Variants in PCDHGA10 observed in about 807,000 individuals in gnomAD.
PCDHGA10 encodes protocadherin gamma subfamily A, 10.
PCDHGA10 carries 42 observed loss-of-function variants against 59.5 expected under a neutral mutation model. The observed-to-expected ratio is 0.71, with a 90% confidence interval of 0.55 to 0.91. The LOEUF is 0.91. PCDHGA10 is among the 40% of genes least tolerant of loss of function. The pLI, the probability that PCDHGA10 is intolerant of heterozygous loss-of-function variation, is 0.00. For synonymous variants in PCDHGA10, 511 were observed against 517.2 expected, an observed-to-expected ratio of 0.99 and a Z score of 0.16; for missense variants, 1,111 against 1,198.2, an observed-to-expected ratio of 0.93 and a Z score of 1.07.
chr5:141,456,536 G>A (rs1231730255), intron 1 of PCDHGA10, among the ~76,000 whole-genome samples: 1 of 152,158 alleles, frequency 6.6e-6, no homozygotes, highest in Non-Finnish European at 1.5e-5. Flanking sequence ...AATTAAAGAG[G>A]GATTGTAGCC....
intron 1 of PCDHGA10, among the ~76,000 whole-genome samples, chr5:141,450,564 G>A (rs1397334260): frequency 2.0e-5 from 3 of 151,932 alleles, no homozygotes; most frequent in African/African-American, 7.3e-5. Context: ...TCGGCTCACT[G>A]CAACTTCTGC....
Position 141,432,830 on chromosome 5 carries a change from C to G in PCDHGA10, c.2436+17219C>G, listed in dbSNP as rs780093171. On this transcript the variant is annotated intron_variant, in intron 1 of 3. Coordinates refer to ENST00000398610, the MANE Select transcript of PCDHGA10 (RefSeq NM_018913.3). The surrounding 1 kb of genome is among the most constrained non-coding windows in gnomAD (Gnocchi z 6.0). ...TAACTCTGAAACCTCAGACCTCACT[C>G]TGTACCTGGTGGTAGCGGTGGCCGC... 4 of 1,614,208 alleles carry G rather than the reference C, an allele frequency of 2.5e-6. No individual in the cohort carries two copies. The highest frequency in any genetic ancestry group is 2.2e-5 in the East Asian group (1 of 44,874).
chr5:141,444,695 CCT>C (rs2154560766), intron 1 of PCDHGA10, among the ~76,000 whole-genome samples: 1 of 152,134 alleles, frequency 6.6e-6, no homozygotes, highest in South Asian at 2.1e-4. Flanking sequence ...AAAATATTTT[CCT>C]CTTTCTGTTG....
rs1051300319 is a variant in PCDHGA10 at position 141,491,957 on chromosome 5, A to T, written c.2437-2850A>T. ...GACCGACCCCCACCCCTACACTCAA[A>T]AAAGGCCGGGGCCTCCTTCGAGCTT... is the stretch of plus-strand genomic sequence containing the variant. On this transcript the variant is annotated intron_variant, in intron 1 of 3. Coordinates refer to ENST00000398610, the MANE Select transcript of PCDHGA10 (RefSeq NM_018913.3). The surrounding 1 kb of genome is among the most constrained non-coding windows in gnomAD (Gnocchi z 6.9). 3.6e-5 allele frequency: 37 copies of T among 1,020,096 alleles called. No individual in the cohort carries two copies. The highest frequency in any genetic ancestry group is 5.0e-5 in the Non-Finnish European group (37 of 736,248). The allele number at this position is 1,020,096 out of a possible 1,614,324, so 63.2% of individuals were successfully genotyped here.
At chr5:141,433,358 C>CTAT (rs2097585632) in intron 1 of PCDHGA10, 108 of 504,044 alleles carry the variant, frequency 2.1e-4, no homozygotes, top group African/African-American at 2.0e-3. Flanking sequence ...CTACTGTCTG[C>CTAT]CTATCTATCT....
At chr5:141,508,927 A>C (rs1562237319) in intron 3 of PCDHGA10, among the ~76,000 whole-genome samples, 1 of 151,542 alleles carries the variant, frequency 6.6e-6, no homozygotes. Context: ...TTCCTTTTGG[A>C]GTTAATTAGG....
In PCDHGA10 at chr5:141,485,636, G is replaced by A. The variant is rs371040974; in HGVS notation, c.2437-9171G>A. The A allele has an allele frequency of 6.2e-7, 1 of 1,611,922 alleles. No homozygotes were observed. The highest frequency in any genetic ancestry group is 1.1e-5 in the South Asian group (1 of 90,964). On this transcript the variant is annotated intron_variant, in intron 1 of 3. Transcript: ENST00000398610. This position sits in a 1 kb window ranked among gnomAD's most constrained non-coding sequence, Gnocchi z 5.7. ...TCCTCCAGGACAGCGTTTCCCGTTG[G>A]AAAAGGCTCAGGATGCAGATGTGGG...
intron 3 of PCDHGA10, chr5:141,507,010 G>A (rs371780810): frequency 1.3e-5 from 2 of 152,324 alleles, no homozygotes; most frequent in East Asian, 1.9e-4. Flanking sequence ...TGAGAGAACC[G>A]AGAAGGCACT....
chr5:141,467,715 G>C (rs904101145), intron 1 of PCDHGA10, among the ~76,000 whole-genome samples: 1 of 152,022 alleles, frequency 6.6e-6, no homozygotes, highest in Non-Finnish European at 1.5e-5. Flanking sequence ...AGGCTGGAGT[G>C]TAGTGGCACA....
At chr5:141,430,936 C>T (rs2097327732) in intron 1 of PCDHGA10, 4 of 1,606,984 alleles carry the variant, frequency 2.5e-6, no homozygotes, top group Admixed American at 3.4e-5. Flanking sequence ...CCCGGGAGCT[C>T]GCGGAGCGCG....
Position 141,414,588 on chromosome 5 carries a change from G to A in PCDHGA10, c.1413G>A (p.Arg471=). 6.2e-7 allele frequency: 1 copy of A among 1,613,872 alleles called. No individual in the cohort carries two copies. Among genetic ancestry groups the A allele is most frequent in the Non-Finnish European group, 8.5e-7 (1 of 1,179,884 alleles). The change falls in exon 1 of 4, where the codon AGG becomes AGA. Residue 471 remains arginine, a synonymous_variant. Transcript: ENST00000398610. ...CCTATATCCCAGAGAACAACGCCAG[G>A]GGTGCCTCCATCTTCTCAGTGACAG... is the stretch of plus-strand genomic sequence containing the variant. ...YFTYIPENNA[R]GASIFSVTAL...
At position 141,424,020 on chromosome 5, in the gene PCDHGA10, C is replaced by A. The variant is rs1326303938; in HGVS notation, c.2436+8409C>A. ...TATATAGATACAAATTAATGATTCA[C>A]AAACACTTTTTATTTCCATTTCAAT... On this transcript the variant is annotated intron_variant, in intron 1 of 3. Coordinates refer to ENST00000398610, the MANE Select transcript of PCDHGA10 (RefSeq NM_018913.3). 3 of 1,050,122 alleles carry A rather than the reference C, an allele frequency of 2.9e-6. No individual in the cohort carries two copies. In the East Asian group the frequency reaches 2.2e-4, roughly 77 times the overall value. The allele number at this position is 1,050,122 out of a possible 1,614,324, so 65.1% of individuals were successfully genotyped here. A position where few individuals can be genotyped will look rare whatever the true frequency, so the allele number is the denominator to read the frequency against.
At position 141,415,529 on chromosome 5, in the gene PCDHGA10, G is replaced by C; in HGVS notation, c.2354G>C (p.Ser785Thr). Reference sequence around the variant, plus strand: ...CCCAATTATGCGGACACGCTCATCAGCCAGGAGAGCTGTGAGAAAAACGAT... The same window carrying C: ...CCCAATTATGCGGACACGCTCATCACCCAGGAGAGCTGTGAGAAAAACGAT... ...PQPNYADTLI[S>T]QESCEKNDPL... Residue 785 changes from serine (S) to threonine (T), a missense_variant, in exon 1 of 4, where the codon AGC (serine) becomes ACC (threonine). Physicochemically the swap from Ser to Thr is moderately conservative, Grantham distance 58. Coordinates refer to ENST00000398610, the MANE Select transcript of PCDHGA10 (RefSeq NM_018913.3). The C allele has an allele frequency of 6.2e-7, 1 of 1,614,184 alleles. No homozygotes were observed. The highest frequency in any genetic ancestry group is 1.1e-5 in the South Asian group (1 of 91,082).
At chr5:141,496,048 G>A (rs1327057788) in intron 2 of PCDHGA10, among the ~76,000 whole-genome samples, 1 of 148,400 alleles carries the variant, frequency 6.7e-6, no homozygotes, top group Non-Finnish European at 1.5e-5. Context: ...TCATTTTTTT[G>A]TGCTTGTGGG....
chr5:141,492,072 C>G (rs2099736816), intron 1 of PCDHGA10: 2 of 480,040 alleles, frequency 4.2e-6, no homozygotes, highest in East Asian at 3.3e-5. Context: ...TCCTAGGCGC[C>G]GGCTCCGGCA....
Position 141,510,956 on chromosome 5 carries a change from A to T in PCDHGA10, c.2594A>T (p.Asp865Val). 1 of 1,614,104 alleles carries T rather than the reference A, an allele frequency of 6.2e-7. No homozygotes were observed. The highest frequency in any genetic ancestry group is 8.5e-7 in the Non-Finnish European group (1 of 1,179,996). The change falls in exon 4 of 4, where the codon GAT becomes GTT. Residue 865 changes from aspartate to valine, a missense_variant. Asp to Val is a radical substitution (Grantham distance 152). Transcript: ENST00000398610. ...MILASASEAA[D>V]GSSTLGGGAG... ...TCCTCTGTCTCTGCAGAAGCTGCTG[A>T]TGGGAGCTCCACCCTGGGAGGGGGT...
chr5:141,417,236 A>T (rs1387216221), intron 1 of PCDHGA10: 2 of 152,220 alleles, frequency 1.3e-5, no homozygotes, highest in Admixed American at 1.3e-4. Flanking sequence ...TTTGTTGCTT[A>T]TCTTCAGTAC....
At chr5:141,424,748 A>G (rs1218712198) in intron 1 of PCDHGA10, 3 of 152,034 alleles carry the variant, frequency 2.0e-5, no homozygotes, top group African/African-American at 4.8e-5. Flanking sequence ...TTCTTTCTTT[A>G]TAAGGTCATT....
chr5:141,433,389 A>G (rs1157605590), intron 1 of PCDHGA10, among the ~76,000 whole-genome samples: 2 of 151,108 alleles, frequency 1.3e-5, no homozygotes, highest in African/African-American at 2.4e-5. Context: ...CTATCTATCT[A>G]TCTATCTATC....
Sources: allele counts gnomAD v4.1 joint callset (sites outside exome capture counted in the v4.1 genomes callset), GRCh38; gene constraint gnomAD v4.1.1; non-coding constraint Gnocchi (gnomAD v3.1); transcripts MANE v1.5; gene names NCBI Gene and HGNC (gene_info 2026-07-23, HGNC 2026-07-21).